EPC1: variants seen among roughly 807,000 people sequenced by gnomAD.
EPC1 encodes enhancer of polycomb homolog 1.
A neutral mutation model predicts 98.4 loss-of-function variants in EPC1; 12 were observed. The ratio of observed to expected loss-of-function variants is 0.12; its 90% confidence interval spans 0.08 to 0.20. EPC1 has a LOEUF of 0.20. EPC1 is among the 10% of genes least tolerant of loss of function. The pLI, the probability that EPC1 is intolerant of heterozygous loss-of-function variation, is 1.00. For missense variants in EPC1, 729 were observed against 990.5 expected, an observed-to-expected ratio of 0.74 and a Z score of 3.54; for synonymous variants, 357 against 363.9, an observed-to-expected ratio of 0.98 and a Z score of 0.21.
chr10:32,311,218 CAGG>C lies in EPC1; in HGVS notation c.154-5290_154-5288del, dbSNP rs1326721430. On this transcript the variant is annotated intron_variant, in intron 1 of 13. Transcript: ENST00000319778. The stretch of plus-strand genomic sequence containing the variant: ...GTCCCAGCTACTAGGGAGGCTGAGG[CAGG>C]AGAATGGCATGAACCCAGGAGGCGG... Among the ~76,000 whole-genome samples, 6 of 151,786 alleles carry C rather than the reference CAGG, an allele frequency of 4.0e-5. No homozygotes were observed. In the South Asian group the frequency reaches 1.2e-3, roughly 32 times the overall value.
chr10:32,294,709 T>G lies in EPC1; in HGVS notation c.314-972A>C, dbSNP rs116137208. 6.7e-3 allele frequency among the ~76,000 whole-genome samples: 1,016 copies of G among 152,352 alleles called. 15 individuals carry two copies. The highest frequency in any genetic ancestry group is 0.022 in the African/African-American group (894 of 41,578). ...AATTACTTACCAAAATTAAGCTAGG[T>G]TGATATGAATATAAGCAAAATATTA... is the stretch of plus-strand genomic sequence containing the variant. On this transcript the variant is annotated intron_variant, in intron 2 of 13. Coordinates refer to ENST00000319778, the MANE Select transcript of EPC1 (RefSeq NM_001272004.3).
intron 1 of EPC1, among the ~76,000 whole-genome samples, chr10:32,369,712 G>C (rs1839696229): frequency 6.6e-6 from 1 of 152,142 alleles, no homozygotes; most frequent in Non-Finnish European, 1.5e-5. Flanking sequence ...TGGAGTAAGA[G>C]GTCAGCCTAT....
At chr10:32,293,822 A>G in intron 2 of EPC1, 85 bp from the exon 3 acceptor site, 1 of 1,240,932 alleles carries the variant, frequency 8.1e-7, no homozygotes, top group Non-Finnish European at 1.1e-6. Context: ...AACAAGACCT[A>G]GACTTTCTAA....
chr10:32,277,115 C>A lies in EPC1; in HGVS notation c.1745-3834G>T, dbSNP rs144238605. Among the ~76,000 whole-genome samples the A allele has an allele frequency of 5.4e-3, 825 of 152,262 alleles. 7 individuals carry two copies. Among genetic ancestry groups the A allele is most frequent in the Non-Finnish European group, 8.0e-3 (546 of 68,026 alleles). ...TTAAATTGAAAAATAGACAAAAATT[C>A]TTGGATTTAATATTTACAAGAAATC... On this transcript the variant is annotated intron_variant, in intron 10 of 13. Coordinates refer to ENST00000319778, the MANE Select transcript of EPC1 (RefSeq NM_001272004.3).
intron 1 of EPC1, among the ~76,000 whole-genome samples, chr10:32,322,798 A>G (rs1237413170): frequency 6.6e-6 from 1 of 152,158 alleles, no homozygotes; most frequent in Non-Finnish European, 1.5e-5. Flanking sequence ...TCATGGAGAC[A>G]GAGAATAAAG....
At chr10:32,285,275 A>G in intron 9 of EPC1, 1 of 444,896 alleles carries the variant, frequency 2.2e-6, no homozygotes, top group Non-Finnish European at 3.9e-6. Flanking sequence ...TTTCACTTCC[A>G]TTACAAAGCA....
Position 32,312,876 on chromosome 10 carries a change from A to C in EPC1, c.154-6945T>G, listed in dbSNP as rs545937999. ...AGATGCAAAATGGTAAAGACAAGAA[A>C]CAAAATAAATTAGGAAATGAGTTCT... is the stretch of plus-strand genomic sequence containing the variant. On this transcript the variant is annotated intron_variant, in intron 1 of 13. Coordinates refer to ENST00000319778, the MANE Select transcript of EPC1 (RefSeq NM_001272004.3). Among the ~76,000 whole-genome samples, 11 of 152,370 alleles carry C rather than the reference A, an allele frequency of 7.2e-5. No individual in the cohort carries two copies. In the South Asian group the frequency reaches 2.1e-3, roughly 29 times the overall value.
chr10:32,352,494 A>G (rs928710983), intron 1 of EPC1, among the ~76,000 whole-genome samples: 4 of 152,176 alleles, frequency 2.6e-5, no homozygotes, highest in African/African-American at 4.8e-5. Context: ...TGAACCCTCA[A>G]TAGATGTAAG....
At chr10:32,301,604 G>A (rs1034606886) in intron 2 of EPC1, among the ~76,000 whole-genome samples, 2 of 151,646 alleles carry the variant, frequency 1.3e-5, no homozygotes, top group African/African-American at 4.9e-5. Context: ...GAATAGAATT[G>A]AGAATCTACA....
At chr10:32,355,205 A>C (rs751311535) in intron 1 of EPC1, among the ~76,000 whole-genome samples, 9 of 152,204 alleles carry the variant, frequency 5.9e-5, no homozygotes, top group Non-Finnish European at 1.0e-4. Flanking sequence ...GCTGGCAAGC[A>C]GTTGATACCT....
intron 1 of EPC1, among the ~76,000 whole-genome samples, chr10:32,336,424 A>C (rs1263756143): frequency 6.6e-6 from 1 of 152,090 alleles, no homozygotes; most frequent in Non-Finnish European, 1.5e-5. Flanking sequence ...CTTGCTGGCC[A>C]AACATTGACC....
chr10:32,273,374 C>T lies in EPC1; in HGVS notation c.1745-93G>A, dbSNP rs1464461580. ...ACAAAAATTCTGCATTAAATCTGTGCAAAATTGAAGCATCTGACAAAGGAT... is the reference window on the plus strand; with the variant it reads ...ACAAAAATTCTGCATTAAATCTGTGTAAAATTGAAGCATCTGACAAAGGAT... On this transcript the variant is annotated intron_variant, in intron 10 of 13. Transcript: ENST00000319778. 4 of 1,443,146 alleles carry T rather than the reference C, an allele frequency of 2.8e-6. No individual in the cohort carries two copies. In the East Asian group the frequency reaches 1.0e-4, roughly 36 times the overall value. The allele number at this position is 1,443,146 out of a possible 1,614,324, so 89.4% of individuals were successfully genotyped here.
At chr10:32,329,513 CTATT>C (rs1297539007) in intron 1 of EPC1, among the ~76,000 whole-genome samples, 3 of 152,196 alleles carry the variant, frequency 2.0e-5, no homozygotes, top group Middle Eastern at 3.2e-3. Flanking sequence ...CAAGTTTTCT[CTATT>C]AATGATAAAA....
intron 1 of EPC1, among the ~76,000 whole-genome samples, chr10:32,362,834 A>G (rs1269364954): frequency 6.6e-6 from 1 of 152,094 alleles, no homozygotes; most frequent in East Asian, 1.9e-4. Context: ...CCCTTTTAAA[A>G]GTGCCTGCTT....
intron 1 of EPC1, among the ~76,000 whole-genome samples, chr10:32,375,345 T>G (rs1839849888): frequency 6.6e-6 from 1 of 152,100 alleles, no homozygotes; most frequent in Non-Finnish European, 1.5e-5. Flanking sequence ...TCTCTAAATC[T>G]TTCTTCCCTT....
At chr10:32,290,299 A>G (rs1836921542) in intron 6 of EPC1, among the ~76,000 whole-genome samples, 1 of 151,930 alleles carries the variant, frequency 6.6e-6, no homozygotes, top group Non-Finnish European at 1.5e-5. Flanking sequence ...CCTGGCCAAC[A>G]TGGCAAAACC....
chr10:32,352,822 T>A (rs1839153244), intron 1 of EPC1, among the ~76,000 whole-genome samples: 1 of 152,140 alleles, frequency 6.6e-6, no homozygotes, highest in African/African-American at 2.4e-5. Flanking sequence ...GTGACTGGCT[T>A]ATGGCCAGGA....
chr10:32,275,189 A>G (rs1592532716), intron 10 of EPC1, among the ~76,000 whole-genome samples: 1 of 152,370 alleles, frequency 6.6e-6, no homozygotes, highest in East Asian at 1.9e-4. Flanking sequence ...GTGTTTAATT[A>G]AACATTTATC....
intron 2 of EPC1, among the ~76,000 whole-genome samples, chr10:32,297,282 CTT>C (rs555311885): frequency 1.3e-4 from 17 of 135,324 alleles, no homozygotes; most frequent in Non-Finnish European, 9.4e-5. Context: ...GTTAATAATT[CTT>C]TTTTTTTTTT....
Sources: allele counts gnomAD v4.1 joint callset (sites outside exome capture counted in the v4.1 genomes callset), GRCh38; gene constraint gnomAD v4.1.1; transcripts MANE v1.5; gene names NCBI Gene and HGNC (gene_info 2026-07-23, HGNC 2026-07-21).